PLEKHG6: variants seen among roughly 807,000 people sequenced by gnomAD.
PLEKHG6 encodes pleckstrin homology and RhoGEF domain containing G6, also known as pleckstrin homology domain-containing family G member 6.
Under a neutral mutation model 97.5 loss-of-function variants are expected in PLEKHG6, and 91 were observed. The observed-to-expected ratio is 0.93, with a 90% CI of 0.79 to 1.11. The LOEUF (loss-of-function observed/expected upper bound fraction) is 1.11, where lower values mean the gene tolerates loss of function less well. PLEKHG6 is among the 50% of genes most tolerant of loss of function. The pLI is 0.00. For synonymous variants in PLEKHG6, 466 were observed against 425.5 expected (o/e 1.10, Z -1.17); for missense variants, 1,044 against 1,031.0 (o/e 1.01, Z -0.17).
chr12:6,317,132 C>T (rs1162766758), intron 7 of PLEKHG6, among the ~76,000 whole-genome samples, 171 bp from the exon 8 acceptor site: 1 of 152,186 alleles, frequency 6.6e-6, no homozygotes, highest in East Asian at 1.9e-4. Context: ...GAGAAAGGGG[C>T]GTAGCCTCGA....
At chr12:6,324,321 T>A (rs1947801564) in intron 13 of PLEKHG6, among the ~76,000 whole-genome samples, 2 of 140,114 alleles carry the variant, frequency 1.4e-5, no homozygotes, top group Non-Finnish European at 3.1e-5. Flanking sequence ...TCCAGCCTCT[T>A]CCTGGGGTCG....
intron 13 of PLEKHG6, among the ~76,000 whole-genome samples, chr12:6,322,604 C>T (rs918462315): frequency 3.3e-5 from 5 of 152,184 alleles, no homozygotes; most frequent in African/African-American, 9.7e-5. Context: ...CTTGGCCAGG[C>T]GTAGTGGCTC....
In PLEKHG6 at chr12:6,327,781, T is replaced by C. The variant is rs779723429; in HGVS notation, c.2198T>C (p.Met733Thr). 1.5e-5 allele frequency: 23 copies of C among 1,528,510 alleles called. No homozygotes were observed. The highest frequency in any genetic ancestry group is 1.9e-5 in the Non-Finnish European group (22 of 1,141,228). The allele number at this position is 1,528,510 out of a possible 1,614,324, so 94.7% of individuals were successfully genotyped here. The stretch of plus-strand genomic sequence containing the variant: ...GCTGGCCACACATCCCTGCGCCCAA[T>C]GCGGGCTGAGGACATGCTCAGAGAG... ...LKAGHTSLRP[M>T]RAEDMLREIR... is the part of the protein sequence containing the mutation. The change falls in exon 15 of 16, where the codon ATG becomes ACG. Residue 733 changes from methionine to threonine, a missense_variant. Coordinates refer to ENST00000684764, the MANE Select transcript of PLEKHG6 (RefSeq NM_001384598.1).
At chr12:6,314,909 C>A in intron 3 of PLEKHG6, 96 bp from the exon 4 acceptor site, 2 of 1,198,168 alleles carry the variant, frequency 1.7e-6, no homozygotes, top group Non-Finnish European at 2.4e-6. Flanking sequence ...CACGCACACA[C>A]TTTAACACAC....
At position 6,315,140 on chromosome 12, in the gene PLEKHG6, T is replaced by C. The variant is rs763900661; in HGVS notation, c.430T>C (p.Ser144Pro). 6.2e-7 allele frequency: 1 copy of C among 1,610,018 alleles called. No homozygotes were observed. The highest frequency in any genetic ancestry group is 2.2e-5 in the East Asian group (1 of 44,786). The change falls in exon 4 of 16, where the codon TCC (serine) becomes CCC (proline). Residue 144 changes from serine (S) to proline (P), a missense_variant. By Grantham distance (74) the Ser-to-Pro change is moderately conservative (BLOSUM62 -1). Transcript: ENST00000684764. The surrounding 1 kb of genome is among the most constrained non-coding windows in gnomAD (Gnocchi z 4.5). ...CGACAGTGGCCTGACCATCGAGAAG[T>C]CCTGGAGGGAGCTGGTGCCTGGGCA... ...GGDSGLTIEK[S>P]WRELVPGHKE...
At position 6,315,465 on chromosome 12, in the gene PLEKHG6, C is replaced by G. The variant is rs1565455941; in HGVS notation, c.460-89C>G. ...TGGTCATGCACAAAGTGCCTAGAAC[C>G]TATGAAGTGGATCCGGTCGCACTTA... On this transcript the variant is annotated intron_variant, in intron 4 of 15. Coordinates refer to ENST00000684764, the MANE Select transcript of PLEKHG6 (RefSeq NM_001384598.1). This position sits in a 1 kb window ranked among gnomAD's most constrained non-coding sequence, Gnocchi z 4.5. The G allele has an allele frequency of 1.2e-6, 1 of 858,070 alleles. No homozygotes were observed. The highest frequency in any genetic ancestry group is 1.7e-5 in the African/African-American group (1 of 59,026). The allele number at this position is 858,070 out of a possible 1,614,324, so 53.2% of individuals were successfully genotyped here. A position where few individuals can be genotyped will look rare whatever the true frequency, so the allele number is the denominator to read the frequency against.
Position 6,312,144 on chromosome 12 carries a change from T to C in PLEKHG6, c.-68-15T>C. On this transcript the variant is annotated splice_polypyrimidine_tract_variant and intron_variant, in intron 1 of 15. Transcript: ENST00000684764. Reference sequence around the variant, plus strand: ...ATTGGGGATGGCCCTTCCATTCCTCTTTTCTCTCTTGCAGCCCTAGGGGAC... The same window carrying C: ...ATTGGGGATGGCCCTTCCATTCCTCCTTTCTCTCTTGCAGCCCTAGGGGAC... 1 of 1,263,920 alleles carries C rather than the reference T, an allele frequency of 7.9e-7. No individual in the cohort carries two copies. Among genetic ancestry groups the C allele is most frequent in the South Asian group, 1.9e-5 (1 of 53,022 alleles). 78.3% of individuals were successfully genotyped at this position (1,263,920 alleles called of 1,614,324 possible).
chr12:6,318,692 C>A, intron 11 of PLEKHG6, 53 bp from the exon 12 acceptor site: 2 of 1,592,262 alleles, frequency 1.3e-6, no homozygotes, highest in Admixed American at 3.3e-5. Flanking sequence ...CGGACCAGCC[C>A]TGCCCCTGGC....
rs1947901946 is a variant in PLEKHG6 at position 6,327,479 on chromosome 12, T to TGGCCCCCCC, written c.1896_1897insGGCCCCCCC (p.Arg632_Pro633insGlyProPro). 11 of 1,603,240 alleles carry TGGCCCCCCC rather than the reference T, an allele frequency of 6.9e-6. No individual in the cohort carries two copies. Among genetic ancestry groups the TGGCCCCCCC allele is most frequent in the African/African-American group, 1.3e-5 (1 of 74,594 alleles). Reference sequence around the variant, plus strand: ...TGGAACTCCGGGACATCCCTCTGCGTCCCCACCCTCCCGACCCCCAAGCTC... The same window carrying TGGCCCCCCC: ...TGGAACTCCGGGACATCCCTCTGCGTGGCCCCCCCCCCCACCCTCCCGACCCCCAAGCTC... On this transcript the variant is annotated inframe_insertion, in exon 15 of 16. Transcript: ENST00000684764.
rs374422770 is a variant in PLEKHG6, at chr12:6,315,659, C to T, written c.555+10C>T. On this transcript the variant is annotated intron_variant, in intron 5 of 15. Transcript: ENST00000684764. This position sits in a 1 kb window ranked among gnomAD's most constrained non-coding sequence, Gnocchi z 4.5. ...CAAGATCATGACTGATGTGAGCCCCCCTCAGCCCCAGCCCCGGCCCCATCT... is the reference window on the plus strand; with the variant it reads ...CAAGATCATGACTGATGTGAGCCCCTCTCAGCCCCAGCCCCGGCCCCATCT... 1 of 1,548,942 alleles carries T rather than the reference C, an allele frequency of 6.5e-7. No individual in the cohort carries two copies. The highest frequency in any genetic ancestry group is 1.1e-5 in the South Asian group (1 of 87,348).
intron 13 of PLEKHG6, among the ~76,000 whole-genome samples, chr12:6,326,048 T>G (rs1947845593): frequency 6.6e-6 from 1 of 152,156 alleles, no homozygotes; most frequent in Non-Finnish European, 1.5e-5. Context: ...GGCTTACACG[T>G]CTAATTCCAG....
At position 6,327,479 on chromosome 12, in the gene PLEKHG6, T is replaced by TGGGGGGCCCCC; in HGVS notation, c.1896_1897insGGGGGGCCCCC (p.Pro633GlyfsTer26). 6.2e-7 allele frequency: 1 copy of TGGGGGGCCCCC among 1,603,268 alleles called. No homozygotes were observed. The highest frequency in any genetic ancestry group is 8.5e-7 in the Non-Finnish European group (1 of 1,171,714). On this transcript the variant is annotated frameshift_variant, in exon 15 of 16. Coordinates refer to ENST00000684764, the MANE Select transcript of PLEKHG6 (RefSeq NM_001384598.1). LOFTEE classifies it high-confidence loss of function. ...TGGAACTCCGGGACATCCCTCTGCG[T>TGGGGGGCCCCC]CCCCACCCTCCCGACCCCCAAGCTC...
rs2136735487 is a variant in PLEKHG6 at position 6,315,876 on chromosome 12, C to A, written c.563C>A (p.Ala188Asp). The change falls in exon 6 of 16, where the codon GCC (alanine) becomes GAC (aspartate). Residue 188 changes from alanine to aspartate, a missense_variant. Physicochemically the swap from Ala to Asp is moderately radical, Grantham distance 126. Transcript: ENST00000684764. The surrounding 1 kb of genome is among the most constrained non-coding windows in gnomAD (Gnocchi z 4.5). ...TCGTCTCCCTCCCTGCAGCTGCTAG[C>A]CGCCGGCCTGCTGAACCTGCAGCGA... is the stretch of plus-strand genomic sequence containing the variant. ...RKLKIMTDLL[A>D]AGLLNLQRVG... 4 of 1,569,164 alleles carry A rather than the reference C, an allele frequency of 2.5e-6. No homozygotes were observed. The highest frequency in any genetic ancestry group is 2.7e-5 in the African/African-American group (2 of 74,158).
intron 13 of PLEKHG6, among the ~76,000 whole-genome samples, chr12:6,324,127 TC>T (rs1401180585): frequency 6.6e-6 from 1 of 152,102 alleles, no homozygotes; most frequent in African/African-American, 2.4e-5. Context: ...CCTTTTCCTT[TC>T]CCGTCCCCTC....
At chr12:6,313,328 C>T (rs1341846494) in intron 2 of PLEKHG6, 4 of 859,338 alleles carry the variant, frequency 4.7e-6, no homozygotes, top group East Asian at 5.4e-5. Context: ...GCACACACAC[C>T]AGAGCCCAGG....
rs563435384 is a variant in PLEKHG6, at chr12:6,328,282, C to T, written c.*137C>T. The T allele has an allele frequency of 1.4e-5, 11 of 803,808 alleles. No homozygotes were observed. In the East Asian group the frequency reaches 1.6e-4, roughly 11 times the overall value. The allele number at this position is 803,808 out of a possible 1,614,324, so 49.8% of individuals were successfully genotyped here. ...GAAGCCTGGCCCAGGCACCCTGCCT[C>T]CTGCTCTGTTTGGGGATCAAGAACT... On this transcript the variant is annotated 3_prime_UTR_variant, in exon 16 of 16. Transcript: ENST00000684764.
intron 3 of PLEKHG6, 77 bp from the exon 4 acceptor site, chr12:6,314,928 A>G (rs1947401047): frequency 1.4e-6 from 2 of 1,406,528 alleles, no homozygotes; most frequent in Non-Finnish European, 2.0e-6. Flanking sequence ...ACATGCACAC[A>G]CACACAGCCC....
chr12:6,316,780 A>G lies in PLEKHG6; in HGVS notation c.756+376A>G, dbSNP rs1947476007. ...GGGGCACGGAGAAGAGTGACAAGAG[A>G]AAGCAAGAGGGCCTAGGATCCGACT... On this transcript the variant is annotated intron_variant, in intron 7 of 15. Coordinates refer to ENST00000684764, the MANE Select transcript of PLEKHG6 (RefSeq NM_001384598.1). The surrounding 1 kb of genome is among the most constrained non-coding windows in gnomAD (Gnocchi z 4.1). Among the ~76,000 whole-genome samples the G allele has an allele frequency of 6.6e-6, 1 of 152,140 alleles. No individual in the cohort carries two copies. Among genetic ancestry groups the G allele is most frequent in the African/African-American group, 2.4e-5 (1 of 41,402 alleles).
chr12:6,326,656 T>G, intron 14 of PLEKHG6, 83 bp downstream of exon 14: 2 of 1,288,870 alleles, frequency 1.6e-6, no homozygotes, highest in South Asian at 3.5e-5. Context: ...TGCACATTTT[T>G]GGTGGAATTG....
Sources: gnomAD v4.1 joint callset for allele counts (sites outside exome capture counted in the v4.1 genomes callset) on GRCh38, gnomAD v4.1.1 for gene constraint, Gnocchi (gnomAD v3.1) non-coding constraint, MANE v1.5 for transcripts, NCBI Gene and HGNC (gene_info 2026-07-23, HGNC 2026-07-21) for gene names.